RNF130: variants seen among roughly 807,000 people sequenced by gnomAD.
RNF130 encodes E3 ubiquitin-protein ligase RNF130.
RNF130 carries 21 observed loss-of-function variants against 44.6 expected under a neutral mutation model. The ratio of observed to expected loss-of-function variants is 0.47; its 90% CI spans 0.33 to 0.68. RNF130 has a LOEUF of 0.68. Among genes scored for constraint, RNF130 ranks in the 30% least tolerant of loss-of-function variants. RNF130 has a pLI of 0.02. For synonymous variants in RNF130, 214 were observed against 210.4 expected (o/e 1.02, Z -0.15); for missense variants, 479 against 560.6 (o/e 0.85, Z 1.47).
At position 179,977,857 on chromosome 5, in the gene RNF130, A is replaced by AAAAT. The variant is rs570884111; in HGVS notation, c.848+342_848+345dup. Among the ~76,000 whole-genome samples the AAAAT allele has an allele frequency of 5.0e-4, 76 of 152,358 alleles. 2 individuals carry two copies. The South Asian group carries it at 8.5e-3, about 17-fold the overall frequency. ...GTGACAGAGCGAGACTCCGTCTCAAAAAATAAATAAATAAATAAATAAAAG... is the reference window on the plus strand; with the variant it reads ...GTGACAGAGCGAGACTCCGTCTCAAAAAATAAATAAATAAATAAATAAATAAAAG... On this transcript the variant is annotated intron_variant, in intron 5 of 8. Coordinates refer to ENST00000521389, the MANE Select transcript of RNF130 (RefSeq NM_018434.6). This position sits in a 1 kb window ranked among gnomAD's most constrained non-coding sequence, Gnocchi z 4.1.
Position 180,050,523 on chromosome 5 carries a change from G to A in RNF130, c.248-9876C>T, listed in dbSNP as rs115126480. On this transcript the variant is annotated intron_variant, in intron 1 of 8. Coordinates refer to ENST00000521389, the MANE Select transcript of RNF130 (RefSeq NM_018434.6). Reference sequence around the variant, plus strand: ...AACACAAGAATTCTCTCAGGATACTGTCTGACCAAGTATGTGGGCACCTGT... The same window carrying A: ...AACACAAGAATTCTCTCAGGATACTATCTGACCAAGTATGTGGGCACCTGT... 2.8e-3 allele frequency among the ~76,000 whole-genome samples: 425 copies of A among 152,320 alleles called. 1 individual carries two copies. The highest frequency in any genetic ancestry group is 7.0e-3 in the African/African-American group (289 of 41,570).
chr5:180,000,730 T>C (rs1763315337), intron 3 of RNF130, among the ~76,000 whole-genome samples: 1 of 152,252 alleles, frequency 6.6e-6, no homozygotes, highest in African/African-American at 2.4e-5. Flanking sequence ...GCTGCAGGAT[T>C]TGATTCTTAC....
chr5:180,040,363 T>C (rs1764378150), intron 2 of RNF130, 90 bp downstream of exon 2: 2 of 1,204,392 alleles, frequency 1.7e-6, no homozygotes, highest in East Asian at 4.7e-5. Flanking sequence ...TGTTGGAAAT[T>C]ACATGGCTTC....
intron 7 of RNF130, among the ~76,000 whole-genome samples, chr5:179,930,624 G>C (rs1232881196): frequency 6.6e-6 from 1 of 152,114 alleles, no homozygotes; most frequent in Non-Finnish European, 1.5e-5. Context: ...CAATCTTAGG[G>C]AAAAAGTTTT....
At chr5:180,055,354 G>A (rs1219510860) in intron 1 of RNF130, among the ~76,000 whole-genome samples, 1 of 148,880 alleles carries the variant, frequency 6.7e-6, no homozygotes, top group Non-Finnish European at 1.5e-5. Context: ...GAGCCACCAT[G>A]CCCAGCTAGA....
At chr5:180,006,827 A>G (rs1406774678) in intron 3 of RNF130, among the ~76,000 whole-genome samples, 6 of 152,226 alleles carry the variant, frequency 3.9e-5, no homozygotes, top group African/African-American at 7.2e-5. Flanking sequence ...TTTGTGTAAA[A>G]TAACTATCAG....
At chr5:180,009,366 T>A (rs1439391357) in intron 3 of RNF130, among the ~76,000 whole-genome samples, 2 of 152,214 alleles carry the variant, frequency 1.3e-5, no homozygotes, top group Non-Finnish European at 2.9e-5. Flanking sequence ...GAAGGACTTG[T>A]ATCTGGAATA....
At chr5:179,935,561 T>A (rs1761878127) in intron 7 of RNF130, among the ~76,000 whole-genome samples, 1 of 152,068 alleles carries the variant, frequency 6.6e-6, no homozygotes, top group Non-Finnish European at 1.5e-5. Flanking sequence ...CTTTGAGTAT[T>A]TAATTATCCA....
intron 7 of RNF130, among the ~76,000 whole-genome samples, chr5:179,933,614 C>T (rs1303169966): frequency 2.6e-5 from 4 of 151,412 alleles, no homozygotes; most frequent in Non-Finnish European, 2.9e-5. Context: ...CTTGACTTCC[C>T]GGGCTCAGGT....
At chr5:180,055,486 A>ATGTGTCTG (rs1316314396) in intron 1 of RNF130, among the ~76,000 whole-genome samples, 1 of 151,436 alleles carries the variant, frequency 6.6e-6, no homozygotes, top group African/African-American at 2.4e-5. Flanking sequence ...GCGCACGCGT[A>ATGTGTCTG]TGTGTCTGTG....
chr5:180,062,218 A>G (rs961866841), intron 1 of RNF130, among the ~76,000 whole-genome samples: 1 of 151,878 alleles, frequency 6.6e-6, no homozygotes, highest in Non-Finnish European at 1.5e-5. Context: ...CCACGCCTAG[A>G]TAATTTTTGT....
intron 5 of RNF130, among the ~76,000 whole-genome samples, chr5:179,971,987 T>C (rs1042111058): frequency 6.6e-6 from 1 of 152,140 alleles, no homozygotes; most frequent in Non-Finnish European, 1.5e-5. Context: ...GACAATGAAA[T>C]AACCAGAACC....
At chr5:179,925,965 C>T (rs936455425) in intron 7 of RNF130, among the ~76,000 whole-genome samples, 2 of 152,096 alleles carry the variant, frequency 1.3e-5, no homozygotes, top group Non-Finnish European at 2.9e-5. Context: ...GCATGTGGCA[C>T]GGAAAGGGGG....
chr5:180,041,574 T>C (rs1367548589), intron 1 of RNF130, among the ~76,000 whole-genome samples: 1 of 152,140 alleles, frequency 6.6e-6, no homozygotes, highest in Admixed American at 6.5e-5. Context: ...CTTTCACATT[T>C]ATAACAGGTT....
intron 8 of RNF130, among the ~76,000 whole-genome samples, chr5:179,962,901 C>T (rs979465344): frequency 6.6e-6 from 1 of 152,170 alleles, no homozygotes; most frequent in Non-Finnish European, 1.5e-5. Context: ...CGTCATGGAG[C>T]CTGCTCTTTG....
intron 1 of RNF130, among the ~76,000 whole-genome samples, chr5:180,045,919 T>G (rs1298848336): frequency 6.6e-6 from 1 of 152,230 alleles, no homozygotes; most frequent in Non-Finnish European, 1.5e-5. Flanking sequence ...GGAGCCCAGC[T>G]GGCTTCCCCT....
At chr5:180,017,635 A>C (rs1195520486) in intron 2 of RNF130, among the ~76,000 whole-genome samples, 1 of 152,218 alleles carries the variant, frequency 6.6e-6, no homozygotes, top group Non-Finnish European at 1.5e-5. Context: ...CATTAAAAAA[A>C]CAGAAATGCT....
chr5:179,978,139 C>T, intron 5 of RNF130, 64 bp downstream of exon 5: 2 of 1,388,784 alleles, frequency 1.4e-6, no homozygotes, highest in South Asian at 2.3e-5. Context: ...GATGCCCACC[C>T]TGAAAAGGAG....
intron 7 of RNF130, among the ~76,000 whole-genome samples, chr5:179,943,416 T>C (rs769792039): frequency 2.0e-5 from 3 of 152,226 alleles, no homozygotes; most frequent in Non-Finnish European, 2.9e-5. Context: ...GGGCCTGACG[T>C]GGACTTTCTA....
Sources: gnomAD v4.1 joint callset for allele counts (sites outside exome capture counted in the v4.1 genomes callset) on GRCh38, gnomAD v4.1.1 for gene constraint, Gnocchi (gnomAD v3.1) non-coding constraint, MANE v1.5 for transcripts, NCBI Gene and HGNC (gene_info 2026-07-23, HGNC 2026-07-21) for gene names.